Variants in SP140L observed in about 807,000 individuals in gnomAD.
SP140L encodes the protein SP140 like nuclear body protein, also known as nuclear body protein SP140-like protein.
In SP140L, 64 loss-of-function variants were observed where a neutral mutation model predicts 84.3. The observed-to-expected ratio is 0.76, with a 90% CI of 0.62 to 0.94. The LOEUF is 0.94. SP140L is among the 40% of genes least tolerant of loss of function. The pLI is 0.00. For missense variants in SP140L, 628 were observed against 692.5 expected (o/e 0.91, Z 1.05); for synonymous variants, 242 against 236.9 (o/e 1.02, Z -0.20).
chr2:230,400,670 C>G (rs912619602), intron 15 of SP140L: 7 of 623,430 alleles, frequency 1.1e-5, no homozygotes, highest in African/African-American at 1.8e-5. Flanking sequence ...ACAGGCCTGG[C>G]AGGCAGGACT....
intron 13 of SP140L, 74 bp downstream of exon 13, chr2:230,393,535 A>T: frequency 6.9e-7 from 1 of 1,450,746 alleles, no homozygotes; most frequent in Non-Finnish European, 9.1e-7. Context: ...TATTTTATGG[A>T]GTCTCCAATT....
At chr2:230,400,355 C>T (rs1466740396) in intron 15 of SP140L, 113 bp downstream of exon 15, 31 of 1,061,282 alleles carry the variant, frequency 2.9e-5, no homozygotes, top group Non-Finnish European at 3.9e-5. Context: ...GCAGGTTCAT[C>T]GGGTACTGGG....
At chr2:230,370,462 G>A (rs974784210) in intron 5 of SP140L, among the ~76,000 whole-genome samples, 3 of 152,230 alleles carry the variant, frequency 2.0e-5, no homozygotes, top group Middle Eastern at 3.4e-3. Context: ...AGTGAGACCT[G>A]TGTCACACTT....
intron 13 of SP140L, among the ~76,000 whole-genome samples, chr2:230,393,781 G>A (rs1376538178): frequency 6.6e-6 from 1 of 152,106 alleles, no homozygotes; most frequent in Non-Finnish European, 1.5e-5. Flanking sequence ...ACACGGTCAT[G>A]GAATACATAA....
chr2:230,390,128 C>T lies in SP140L; in HGVS notation c.964+105C>T. 8 of 1,033,072 alleles carry T rather than the reference C, an allele frequency of 7.7e-6. No individual in the cohort carries two copies. The South Asian group carries it at 1.2e-4, about 16-fold the overall frequency. The allele number at this position is 1,033,072 out of a possible 1,614,324, so 64.0% of individuals were successfully genotyped here. A position where few individuals can be genotyped will look rare whatever the true frequency, so the allele number is the denominator to read the frequency against. On this transcript the variant is annotated intron_variant, in intron 11 of 18. Transcript: ENST00000415673. ...ACACATCATTCAAGGAGTTTTGGGC[C>T]CAGTTTAGCTTGAGGGAAGGAGGAA...
intron 13 of SP140L, among the ~76,000 whole-genome samples, chr2:230,393,689 G>C (rs1191430638): frequency 3.9e-5 from 6 of 152,182 alleles, no homozygotes; most frequent in African/African-American, 1.4e-4. Context: ...TGGAGATGCT[G>C]AGGAGCCCTC....
intron 2 of SP140L, among the ~76,000 whole-genome samples, chr2:230,341,209 C>G (rs1313599745): frequency 7.4e-4 from 106 of 143,116 alleles, no homozygotes; most frequent in African/African-American, 2.7e-3. Flanking sequence ...TCTTTTTTCT[C>G]TAAACTTCCC....
Position 230,327,250 on chromosome 2 carries a change from G to A in SP140L, c.-20G>A, listed in dbSNP as rs374193639. On this transcript the variant is annotated 5_prime_UTR_variant, in exon 1 of 19. Coordinates refer to ENST00000415673, the MANE Select transcript of SP140L (RefSeq NM_138402.6). ...TCATAGGCCAGGCTCTGACACCCAGGCAGGGCCTAGGGTGGGACGATGGCA... is the reference window on the plus strand; with the variant it reads ...TCATAGGCCAGGCTCTGACACCCAGACAGGGCCTAGGGTGGGACGATGGCA... 6.3e-5 allele frequency: 101 copies of A among 1,607,968 alleles called. No individual in the cohort carries two copies. Among genetic ancestry groups the A allele is most frequent in the Middle Eastern group, 1.6e-4 (1 of 6,080 alleles).
rs1311307057 is a variant in SP140L, at chr2:230,328,813, A to C, written c.89A>C (p.His30Pro). 6.2e-7 allele frequency: 1 copy of C among 1,611,334 alleles called. No individual in the cohort carries two copies. Among genetic ancestry groups the C allele is most frequent in the Non-Finnish European group, 8.5e-7 (1 of 1,178,516 alleles). The change falls in exon 2 of 19, where the codon CAC (histidine) becomes CCC (proline). Residue 30 changes from histidine (H) to proline (P), a missense_variant. His to Pro is a moderately conservative substitution (Grantham distance 77). Coordinates refer to ENST00000415673, the MANE Select transcript of SP140L (RefSeq NM_138402.6). ...AATGAGATGAACCATCTTCCTGCACACAGCCAAAGTCTGCAAAGGTGATGA... is the reference window on the plus strand; with the variant it reads ...AATGAGATGAACCATCTTCCTGCACCCAGCCAAAGTCTGCAAAGGTGATGA... The part of the protein sequence containing the change: ...VANEMNHLPA[H>P]SQSLQRLFTE...
intron 9 of SP140L, among the ~76,000 whole-genome samples, chr2:230,387,938 T>C (rs2061653698): frequency 6.6e-6 from 1 of 152,310 alleles, no homozygotes; most frequent in South Asian, 2.1e-4. Flanking sequence ...CATTTACTAT[T>C]ACTTTCAGCA....
chr2:230,393,399 C>G lies in SP140L; in HGVS notation c.1108-15C>G. On this transcript the variant is annotated splice_polypyrimidine_tract_variant and intron_variant, in intron 12 of 18. Transcript: ENST00000415673. ...ACGCAGGCTGACTATGTACCTTGGT[C>G]TTTTTATCTTTCAGGAAGGATCTCT... 1 of 1,579,572 alleles carries G rather than the reference C, an allele frequency of 6.3e-7. No individual in the cohort carries two copies. The highest frequency in any genetic ancestry group is 8.6e-7 in the Non-Finnish European group (1 of 1,164,642).
intron 9 of SP140L, among the ~76,000 whole-genome samples, chr2:230,388,266 AAATGAACCTTCAAAATATGG>A (rs1182272787): frequency 1.3e-5 from 2 of 152,216 alleles, no homozygotes; most frequent in Non-Finnish European, 2.9e-5. Flanking sequence ...TCAAAATATG[AAATGAACCTTCAAAATATGG>A]AATGAAGTAT....
chr2:230,341,564 T>C (rs377035944), intron 2 of SP140L, among the ~76,000 whole-genome samples: 2 of 151,230 alleles, frequency 1.3e-5, no homozygotes, highest in East Asian at 1.9e-4. Flanking sequence ...GGAGGAGAGG[T>C]GCTCTGCTTT....
At chr2:230,393,385 C>T in intron 12 of SP140L, 29 bp from the exon 13 acceptor site, 1 of 1,572,414 alleles carries the variant, frequency 6.4e-7, no homozygotes, top group East Asian at 2.3e-5. Flanking sequence ...CGCAGGCTGA[C>T]TATGTACCTT....
At chr2:230,333,453 C>T (rs936268691) in intron 2 of SP140L, among the ~76,000 whole-genome samples, 8 of 152,086 alleles carry the variant, frequency 5.3e-5, no homozygotes, top group African/African-American at 9.7e-5. Flanking sequence ...CCACCGCGCC[C>T]GACCCCCATT....
rs577554239 is a variant in SP140L, at chr2:230,355,647, C to G, written c.108-2158C>G. ...TTTCTTTAAGCCATGGTATTCAACA[C>G]AAAATCATATCAGCATAAGGATAGA... On this transcript the variant is annotated intron_variant, in intron 2 of 18. Transcript: ENST00000415673. Among the ~76,000 whole-genome samples, 208 of 152,226 alleles carry G rather than the reference C, an allele frequency of 1.4e-3. 4 individuals carry two copies. The highest frequency in any genetic ancestry group is 8.2e-4 in the Non-Finnish European group (56 of 68,008).
At chr2:230,333,520 G>T (rs1479080599) in intron 2 of SP140L, among the ~76,000 whole-genome samples, 3 of 151,988 alleles carry the variant, frequency 2.0e-5, no homozygotes, top group Non-Finnish European at 4.4e-5. Context: ...AAACTTTCTG[G>T]CTCATCTCTT....
At chr2:230,393,248 C>G (rs1409951193) in intron 12 of SP140L, among the ~76,000 whole-genome samples, 166 bp from the exon 13 acceptor site, 5 of 152,186 alleles carry the variant, frequency 3.3e-5, no homozygotes, top group African/African-American at 1.2e-4. Flanking sequence ...TGATTGGAGT[C>G]TAGAAGCACA....
intron 12 of SP140L, 69 bp from the exon 13 acceptor site, chr2:230,393,345 G>A: frequency 1.3e-6 from 2 of 1,502,180 alleles, no homozygotes; most frequent in Admixed American, 2.3e-5. Context: ...TTGGGAAGAG[G>A]TTGGAAATGC....
Sources: allele counts gnomAD v4.1 joint callset (sites outside exome capture counted in the v4.1 genomes callset), GRCh38; gene constraint gnomAD v4.1.1; transcripts MANE v1.5; gene names NCBI Gene and HGNC (gene_info 2026-07-23, HGNC 2026-07-21).